The following EPS15 variants were observed in gnomAD, a reference collection of about 807,000 sequenced individuals.
The protein encoded by EPS15 is epidermal growth factor receptor pathway substrate 15, also known as epidermal growth factor receptor substrate 15.
Under a neutral mutation model 113.8 loss-of-function variants are expected in EPS15, and 72 were observed. That is an observed-to-expected ratio of 0.63 (90% CI 0.52 to 0.77). EPS15 has a LOEUF of 0.77. EPS15 is among the 30% of genes least tolerant of loss of function. The pLI, the probability that EPS15 is intolerant of heterozygous loss-of-function variation, is 0.00. For synonymous variants in EPS15, 344 were observed against 363.4 expected (o/e 0.95, Z 0.61); for missense variants, 1,048 against 1,045.8 (o/e 1.00, Z -0.03).
intron 8 of EPS15, among the ~76,000 whole-genome samples, chr1:51,452,639 C>T (rs1434716531): frequency 6.6e-6 from 1 of 152,272 alleles, no homozygotes; most frequent in East Asian, 1.9e-4. Flanking sequence ...AGCTAAGATG[C>T]TAAGTAACTT....
intron 1 of EPS15, among the ~76,000 whole-genome samples, chr1:51,503,211 A>G (rs912729171): frequency 3.9e-5 from 6 of 152,214 alleles, no homozygotes; most frequent in Admixed American, 3.9e-4. Context: ...ATACTCCCCA[A>G]ACTAATCTAT....
At chr1:51,496,780 A>G (rs1340197640) in intron 1 of EPS15, among the ~76,000 whole-genome samples, 2 of 152,186 alleles carry the variant, frequency 1.3e-5, no homozygotes, top group Non-Finnish European at 2.9e-5. Flanking sequence ...TCACTCCATT[A>G]TAGTCAGAAC....
chr1:51,374,795 T>C (rs11205840), intron 21 of EPS15, among the ~76,000 whole-genome samples: 151,095 of 151,924 alleles, frequency 0.99, 75,141 homozygotes, highest in Middle Eastern at 1. Flanking sequence ...GCAACATCTC[T>C]CAGGTTCAAG....
intron 1 of EPS15, among the ~76,000 whole-genome samples, chr1:51,501,710 C>T (rs1250291233): frequency 6.6e-6 from 1 of 152,056 alleles, no homozygotes; most frequent in African/African-American, 2.4e-5. Flanking sequence ...AACTCCTGAT[C>T]TCAGGTGATC....
chr1:51,384,988 A>C (rs1012622556), intron 21 of EPS15, among the ~76,000 whole-genome samples: 4 of 152,212 alleles, frequency 2.6e-5, no homozygotes, highest in Non-Finnish European at 5.9e-5. Flanking sequence ...TAAAACTATA[A>C]AACTTATCGG....
intron 12 of EPS15, among the ~76,000 whole-genome samples, chr1:51,429,338 ACT>A (rs1311706812): frequency 3.3e-5 from 5 of 151,658 alleles, no homozygotes; most frequent in South Asian, 4.2e-4. Flanking sequence ...AAAGAGTGAA[ACT>A]CTGTCTCAAA....
intron 8 of EPS15, among the ~76,000 whole-genome samples, chr1:51,449,621 C>T (rs1480001466): frequency 6.6e-6 from 1 of 150,946 alleles, no homozygotes; most frequent in Non-Finnish European, 1.5e-5. Flanking sequence ...CTATATTAGG[C>T]TAAGTTTCTT....
chr1:51,408,194 T>G lies in EPS15; in HGVS notation c.1414A>C (p.Lys472Gln). 1 of 1,614,086 alleles carries G rather than the reference T, an allele frequency of 6.2e-7. No homozygotes were observed. Among genetic ancestry groups the G allele is most frequent in the South Asian group, 1.1e-5 (1 of 91,076 alleles). ...AELEESVESG[K>Q]AQLEPLQQHL... ...TGCTGAAGAGGTTCCAACTGAGCCT[T>G]CCCTGACTCTACACTCTCCTCCAAT... Residue 472 changes from lysine (K) to glutamine (Q), a missense_variant, in exon 15 of 25, where the codon AAG becomes CAG. Coordinates refer to ENST00000371733, the MANE Select transcript of EPS15 (RefSeq NM_001981.3).
chr1:51,418,121 T>A (rs1243263421), intron 13 of EPS15, among the ~76,000 whole-genome samples: 3 of 152,178 alleles, frequency 2.0e-5, no homozygotes, highest in Non-Finnish European at 4.4e-5. Context: ...AAGATTCATT[T>A]TAGACACACG....
intron 21 of EPS15, among the ~76,000 whole-genome samples, chr1:51,390,964 G>A (rs924207927): frequency 2.6e-5 from 4 of 152,158 alleles, no homozygotes; most frequent in African/African-American, 9.7e-5. Flanking sequence ...CCATTACTGG[G>A]TATATACCCA....
intron 13 of EPS15, among the ~76,000 whole-genome samples, chr1:51,411,356 T>A (rs1649705186): frequency 6.6e-6 from 1 of 152,128 alleles, no homozygotes; most frequent in Non-Finnish European, 1.5e-5. Flanking sequence ...TTGATGAGTA[T>A]CATCAACTCT....
At chr1:51,505,220 C>T (rs1644478232) in intron 1 of EPS15, among the ~76,000 whole-genome samples, 1 of 151,964 alleles carries the variant, frequency 6.6e-6, no homozygotes, top group Non-Finnish European at 1.5e-5. Flanking sequence ...TTACACAAAA[C>T]CTTGTATATG....
chr1:51,473,292 G>C (rs1285446173), intron 2 of EPS15, among the ~76,000 whole-genome samples: 2 of 152,182 alleles, frequency 1.3e-5, no homozygotes, highest in African/African-American at 2.4e-5. Context: ...TAGGAAGAAA[G>C]GAGCAGCATT....
intron 1 of EPS15, among the ~76,000 whole-genome samples, chr1:51,516,131 G>C (rs910887565): frequency 6.6e-6 from 1 of 151,928 alleles, no homozygotes; most frequent in Non-Finnish European, 1.5e-5. Flanking sequence ...AAAGACAACT[G>C]AATTAGAAAA....
At chr1:51,377,337 G>A (rs1055436394) in intron 21 of EPS15, among the ~76,000 whole-genome samples, 4 of 152,202 alleles carry the variant, frequency 2.6e-5, no homozygotes, top group African/African-American at 9.6e-5. Flanking sequence ...GACTTTGAAA[G>A]AAGTTACATC....
intron 21 of EPS15, among the ~76,000 whole-genome samples, chr1:51,376,310 T>C (rs1570123455): frequency 1.3e-5 from 2 of 152,332 alleles, no homozygotes; most frequent in East Asian, 3.9e-4. Context: ...TGGCATGTTT[T>C]ACTGAATATT....
intron 6 of EPS15, 107 bp from the exon 7 acceptor site, chr1:51,463,905 T>A: frequency 1.8e-6 from 1 of 545,192 alleles, no homozygotes; most frequent in Non-Finnish European, 3.1e-6. Context: ...TTTTAAACTA[T>A]CATTTAAAAA....
intron 12 of EPS15, chr1:51,423,159 TGTA>T (rs1327952664): frequency 1.6e-6 from 2 of 1,265,338 alleles, no homozygotes; most frequent in Admixed American, 2.3e-5. Flanking sequence ...TAAAGCTATT[TGTA>T]CACTGTTACT....
At position 51,359,444 on chromosome 1, in the gene EPS15, A is replaced by T. The variant is rs75186543; in HGVS notation, c.2544+1727T>A. On this transcript the variant is annotated intron_variant, in intron 24 of 24. Transcript: ENST00000371733. ...GGCGACAGAGCAAGACTCTGTCTTT[A>T]AAAAAAAAAAAAAAAAAAAGGAAAG... Among the ~76,000 whole-genome samples, 280 of 103,442 alleles carry T rather than the reference A, an allele frequency of 2.7e-3. 3 individuals are homozygous for T. The highest frequency in any genetic ancestry group is 5.8e-4 in the Non-Finnish European group (27 of 46,450). The allele number at this position is 103,442 out of a possible 152,430, so 67.9% of individuals were successfully genotyped here. A position where few individuals can be genotyped will look rare whatever the true frequency, so the allele number is the denominator to read the frequency against.
Sources: allele counts gnomAD v4.1 joint callset (sites outside exome capture counted in the v4.1 genomes callset), GRCh38; gene constraint gnomAD v4.1.1; transcripts MANE v1.5; gene names NCBI Gene and HGNC (gene_info 2026-07-23, HGNC 2026-07-21).